FCGR2B: variants seen among roughly 807,000 people sequenced by gnomAD.
The protein encoded by FCGR2B is Fc gamma receptor IIb.
Under a neutral mutation model 24.8 loss-of-function variants are expected in FCGR2B, and 18 were observed. The observed-to-expected ratio is 0.73, with a 90% CI of 0.50 to 1.08. The LOEUF (loss-of-function observed/expected upper bound fraction) is 1.08, where lower values mean the gene tolerates loss of function less well. Ranked by LOEUF, FCGR2B falls within the 50% of genes least tolerant of loss-of-function variation. The pLI, the probability that FCGR2B is intolerant of heterozygous loss-of-function variation, is 0.00. For missense variants in FCGR2B, 215 were observed against 297.6 expected (o/e 0.72, Z 2.04); for synonymous variants, 79 against 109.8 (o/e 0.72, Z 1.75).
In FCGR2B at chr1:161,678,508, A is replaced by T. The variant is rs1488473067; in HGVS notation, c.*955A>T. 1 of 217,354 alleles carries T rather than the reference A, an allele frequency of 4.6e-6. No homozygotes were observed. Among genetic ancestry groups the T allele is most frequent in the Non-Finnish European group, 9.3e-6 (1 of 108,054 alleles). The allele number at this position is 217,354 out of a possible 1,614,324, so 13.5% of individuals were successfully genotyped here. On this transcript the variant is annotated 3_prime_UTR_variant, in exon 8 of 8. Coordinates refer to ENST00000358671, the MANE Select transcript of FCGR2B (RefSeq NM_001394477.1). ...TATAAGTACCTGCTATGATGTTCACACAACAAAATTGCCTGCATTTCTCAA... is the reference window on the plus strand; with the variant it reads ...TATAAGTACCTGCTATGATGTTCACTCAACAAAATTGCCTGCATTTCTCAA...
the FCGR2B span, among the ~76,000 whole-genome samples, chr1:161,649,018 A>G: frequency 1.3e-5 from 2 of 151,064 alleles, no homozygotes; most frequent in Non-Finnish European, 2.9e-5. Context: ...ACAGTTATGA[A>G]GGTCACTGAA....
chr1:161,654,259 C>T, the FCGR2B span, among the ~76,000 whole-genome samples: 77,957 of 119,002 alleles, frequency 0.66, 23,476 homozygotes, highest in Non-Finnish European at 0.72. Flanking sequence ...ATCTTGAGGA[C>T]AGGGCTTTTT....
At chr1:161,675,424 C>A (rs1682035187) in intron 6 of FCGR2B, 111 bp downstream of exon 6, 1 of 716,300 alleles carries the variant, frequency 1.4e-6, no homozygotes, top group African/African-American at 1.9e-5. Flanking sequence ...AGGGAGGGAG[C>A]AGCAGTGGGA....
chr1:161,677,557 C>T lies in FCGR2B; in HGVS notation c.*4C>T. ...TGATGACCAGAACCGTATTTAGTCT[C>T]CATTGTCTTGCATTGGGATTTGAGA... is the stretch of plus-strand genomic sequence containing the variant. On this transcript the variant is annotated 3_prime_UTR_variant, in exon 8 of 8. Transcript: ENST00000358671. 2 of 1,604,734 alleles carry T rather than the reference C, an allele frequency of 1.2e-6. No individual in the cohort carries two copies. Among genetic ancestry groups the T allele is most frequent in the Non-Finnish European group, 1.7e-6 (2 of 1,172,830 alleles).
In FCGR2B at chr1:161,673,387, A is replaced by G. The variant is rs570698883; in HGVS notation, c.646+158A>G. 9 of 1,101,428 alleles carry G rather than the reference A, an allele frequency of 8.2e-6. No individual in the cohort carries two copies. In the East Asian group the frequency reaches 2.0e-4, roughly 25 times the overall value. 68.2% of individuals were successfully genotyped at this position (1,101,428 alleles called of 1,614,324 possible). A position where few individuals can be genotyped will look rare whatever the true frequency, so the allele number is the denominator to read the frequency against. The stretch of plus-strand genomic sequence containing the variant: ...TGGAGGCCTGGCTAAGTATTGACCA[A>G]TGAGCAGGAGTAGGGGCCAGAGCTT... On this transcript the variant is annotated intron_variant, in intron 4 of 7. Transcript: ENST00000358671.
At chr1:161,650,632 G>T in the FCGR2B span, among the ~76,000 whole-genome samples, 1 of 142,152 alleles carries the variant, frequency 7.0e-6, no homozygotes, top group Non-Finnish European at 1.5e-5. Context: ...CCTGGGAGCG[G>T]GGGGCAAAAC....
At position 161,671,618 on chromosome 1, in the gene FCGR2B, C is replaced by T; in HGVS notation, c.360C>T (p.Leu120=). Residue 120 remains leucine, a synonymous_variant, in exon 3 of 8, where the codon CTC becomes CTT. Transcript: ENST00000358671. ...EYTCQTGQTS[L]SDPVHLTVLS... is the part of the protein sequence containing the mutation. ...CGTGCCAGACTGGCCAGACCAGCCTCAGCGACCCTGTGCATCTGACTGTGC... is the reference window on the plus strand; with the variant it reads ...CGTGCCAGACTGGCCAGACCAGCCTTAGCGACCCTGTGCATCTGACTGTGC... 2 of 1,613,932 alleles carry T rather than the reference C, an allele frequency of 1.2e-6. No homozygotes were observed. The highest frequency in any genetic ancestry group is 1.7e-6 in the Non-Finnish European group (2 of 1,179,838).
chr1:161,676,588 C>G (rs747945074), intron 6 of FCGR2B: 1 of 159,878 alleles, frequency 6.3e-6, no homozygotes, highest in Non-Finnish European at 1.4e-5. Flanking sequence ...ATTCAGAATG[C>G]GGTTTACTGC....
chr1:161,661,533 C>T (rs973004769), upstream of FCGR2B, among the ~76,000 whole-genome samples: 7 of 97,490 alleles, frequency 7.2e-5, no homozygotes, highest in African/African-American at 9.1e-5. Flanking sequence ...TTCTGTGATT[C>T]TGTGTTGTTT....
the FCGR2B span, among the ~76,000 whole-genome samples, chr1:161,650,548 C>T: frequency 1.0e-4 from 15 of 147,556 alleles, no homozygotes; most frequent in South Asian, 2.2e-4. Flanking sequence ...TCTTGGCCTC[C>T]ACTCAATAGA....
At chr1:161,652,045 AGTGTGTGTGTGTGTGTGTGTGT>A in the FCGR2B span, among the ~76,000 whole-genome samples, 1 of 104,580 alleles carries the variant, frequency 9.6e-6, no homozygotes. Context: ...TATGTTTAGG[AGTGTGTGTGTGTGTGTGTGTGT>A]GTGTGTGTGT....
chr1:161,650,358 T>C, the FCGR2B span, among the ~76,000 whole-genome samples: 1 of 145,460 alleles, frequency 6.9e-6, no homozygotes, highest in Admixed American at 6.9e-5. Flanking sequence ...ATATGATAAA[T>C]ATATTAATGT....
At chr1:161,660,899 C>CA (rs762110926), upstream of FCGR2B, among the ~76,000 whole-genome samples, 1,038 of 28,136 alleles carry the variant, frequency 0.037, 174 homozygotes, top group East Asian at 0.31. Flanking sequence ...ACTAAAAATA[C>CA]AAAAAAAAAA....
chr1:161,650,350 A>G, the FCGR2B span, among the ~76,000 whole-genome samples: 2 of 145,586 alleles, frequency 1.4e-5, 1 homozygote, highest in East Asian at 4.2e-4. Flanking sequence ...TATATTATAT[A>G]TGATAAATAT....
intron 6 of FCGR2B, chr1:161,676,929 C>T (rs1440036470): frequency 1.5e-5 from 4 of 266,712 alleles, no homozygotes; most frequent in South Asian, 1.0e-4. Flanking sequence ...GGAAATGGCC[C>T]TCAGCCTTCT....
chr1:161,677,262 G>T, intron 6 of FCGR2B, 66 bp from the exon 7 acceptor site: 2 of 1,528,506 alleles, frequency 1.3e-6, no homozygotes, highest in Non-Finnish European at 1.8e-6. Context: ...TGCAGCCTCA[G>T]CATCAGCACA....
chr1:161,673,913 G>T, intron 4 of FCGR2B, 47 bp from the exon 5 acceptor site: 1 of 418,976 alleles, frequency 2.4e-6, no homozygotes, highest in South Asian at 2.2e-5. Flanking sequence ...ATGGGGGGGA[G>T]GTGGGACAAG....
the FCGR2B span, among the ~76,000 whole-genome samples, chr1:161,652,423 G>C: frequency 7.7e-6 from 1 of 130,192 alleles, no homozygotes; most frequent in Admixed American, 8.6e-5. Flanking sequence ...CTTTTACTCT[G>C]TTTCAAAATT....
chr1:161,672,867 G>A, intron 3 of FCGR2B, 108 bp from the exon 4 acceptor site: 1 of 1,499,208 alleles, frequency 6.7e-7, no homozygotes, highest in Non-Finnish European at 9.0e-7. Flanking sequence ...TCTGATTTCA[G>A]ACCTAAGCTG....
Sources: gnomAD v4.1 joint callset for allele counts (sites outside exome capture counted in the v4.1 genomes callset) on GRCh38, gnomAD v4.1.1 for gene constraint, MANE v1.5 for transcripts, NCBI Gene and HGNC (gene_info 2026-07-23, HGNC 2026-07-21) for gene names.